Variants in DCC observed in about 807,000 individuals in gnomAD.
DCC encodes the protein DCC netrin 1 receptor, also known as netrin receptor DCC.
A neutral mutation model predicts 172.5 loss-of-function variants in DCC; 58 were observed. The observed-to-expected ratio is 0.34, with a 90% CI of 0.27 to 0.42. The LOEUF (loss-of-function observed/expected upper bound fraction) is 0.42, where lower values mean the gene tolerates loss of function less well. Ranked by LOEUF, DCC falls within the 10% of genes least tolerant of loss-of-function variation. DCC has a pLI of 1.00. For missense variants in DCC, 1,740 were observed against 1,791.0 expected, an observed-to-expected ratio of 0.97 and a Z score of 0.51; for synonymous variants, 709 against 644.5, an observed-to-expected ratio of 1.10 and a Z score of -1.52.
At chr18:52,561,288 A>ATG (rs5824948) in intron 1 of DCC, among the ~76,000 whole-genome samples, 147,834 of 151,676 alleles carry the variant, frequency 0.97, 72,178 homozygotes, top group Middle Eastern at 1. Context: ...ATGTGTGTGT[A>ATG]TGTGTGTATG....
intron 27 of DCC, among the ~76,000 whole-genome samples, chr18:53,518,811 G>A (rs539752335): frequency 1.3e-5 from 2 of 152,256 alleles, no homozygotes; most frequent in Admixed American, 6.5e-5. Flanking sequence ...GCTTCAGATT[G>A]AGCATTCGTA....
At chr18:52,666,544 A>G (rs1218201196) in intron 1 of DCC, among the ~76,000 whole-genome samples, 1 of 152,226 alleles carries the variant, frequency 6.6e-6, no homozygotes, top group Non-Finnish European at 1.5e-5. Context: ...AATGCTACAG[A>G]GAGAAAAATA....
intron 1 of DCC, among the ~76,000 whole-genome samples, chr18:52,545,609 A>G (rs1016646747): frequency 6.6e-6 from 1 of 152,226 alleles, no homozygotes; most frequent in African/African-American, 2.4e-5. Flanking sequence ...CCCGGATAAT[A>G]GTATAAATTT....
chr18:53,408,063 T>C (rs1430686181), intron 19 of DCC, among the ~76,000 whole-genome samples: 5 of 152,206 alleles, frequency 3.3e-5, no homozygotes, highest in East Asian at 1.9e-4. Context: ...ATTTTCATCA[T>C]TGACATCACA....
chr18:53,206,403 ATG>A (rs1195064527), intron 10 of DCC, among the ~76,000 whole-genome samples: 3 of 103,226 alleles, frequency 2.9e-5, no homozygotes, highest in African/African-American at 1.2e-4. Flanking sequence ...ATATACATAT[ATG>A]TATTGTAACA....
At chr18:53,305,236 C>T (rs1020941889) in intron 12 of DCC, among the ~76,000 whole-genome samples, 5 of 152,172 alleles carry the variant, frequency 3.3e-5, no homozygotes, top group African/African-American at 1.2e-4. Flanking sequence ...CCGATTTGCA[C>T]CTTCCAAATA....
chr18:53,187,312 C>T (rs906861079), intron 9 of DCC, among the ~76,000 whole-genome samples: 1 of 151,632 alleles, frequency 6.6e-6, no homozygotes, highest in Non-Finnish European at 1.5e-5. Flanking sequence ...TTAGTAGAGA[C>T]GGGGTTTCAC....
chr18:53,226,948 A>ATATTTTTTTT lies in DCC; in HGVS notation c.1911+11352_1911+11353insATTTTTTTTT. 6.8e-4 allele frequency among the ~76,000 whole-genome samples: 36 copies of ATATTTTTTTT among 52,934 alleles called. 2 individuals are homozygous for ATATTTTTTTT. The highest frequency in any genetic ancestry group is 1.0e-3 in the Non-Finnish European group (26 of 24,858). The allele number at this position is 52,934 out of a possible 152,430, so 34.7% of individuals were successfully genotyped here. A position where few individuals can be genotyped will look rare whatever the true frequency, so the allele number is the denominator to read the frequency against. ...TGTGTGTGTGTGTATATATATATAT[A>ATATTTTTTTT]TTTTTTTTTTTTTTTTTTTGAGGCA... On this transcript the variant is annotated intron_variant, in intron 12 of 28. Transcript: ENST00000442544.
At chr18:53,091,773 A>G (rs2043012066) in intron 7 of DCC, among the ~76,000 whole-genome samples, 1 of 152,044 alleles carries the variant, frequency 6.6e-6, no homozygotes, top group Admixed American at 6.6e-5. Flanking sequence ...TTTGGGGAAT[A>G]TGAATGTTAC....
chr18:52,945,066 A>C (rs1456392042), intron 5 of DCC, among the ~76,000 whole-genome samples: 1 of 152,208 alleles, frequency 6.6e-6, no homozygotes, highest in Non-Finnish European at 1.5e-5. Context: ...TCATGTTACC[A>C]TATTGTGACA....
At chr18:52,868,732 A>G (rs1043615908) in intron 2 of DCC, among the ~76,000 whole-genome samples, 6 of 152,226 alleles carry the variant, frequency 3.9e-5, no homozygotes, top group Admixed American at 1.3e-4. Context: ...AGCCTGGCAG[A>G]CACTGCTCAG....
Position 53,397,355 on chromosome 18 carries a change from A to G in DCC, c.2736A>G (p.Pro912=), listed in dbSNP as rs1909021025. Residue 912 remains proline (P), a synonymous_variant, in exon 18 of 29, where the codon CCA becomes CCG. Coordinates refer to ENST00000442544, the MANE Select transcript of DCC (RefSeq NM_005215.4). ...SLSYTATGLK[P]NTMYEFSVMV... ...GTTACACAGCAACAGGCCTCAAACC[A>G]AACACAATGTATGAATTCTCGGTCA... 6.2e-7 allele frequency: 1 copy of G among 1,614,010 alleles called. No individual in the cohort carries two copies. The highest frequency in any genetic ancestry group is 2.2e-5 in the East Asian group (1 of 44,868).
intron 2 of DCC, among the ~76,000 whole-genome samples, chr18:52,783,780 T>A (rs1425385790): frequency 6.6e-6 from 1 of 152,028 alleles, no homozygotes; most frequent in Non-Finnish European, 1.5e-5. Context: ...TATACTTCAC[T>A]GTGCCTTACA....
chr18:52,411,605 A>G lies in DCC; in HGVS notation c.91+70727A>G, dbSNP rs1482335055. Among the ~76,000 whole-genome samples the G allele has an allele frequency of 2.0e-5, 3 of 152,166 alleles. No individual in the cohort carries two copies. In the East Asian group the frequency reaches 5.8e-4, roughly 29 times the overall value. ...CTACTTCTGGCTATAAGTAACTACT[A>G]GGAACTTTCCTCCTTTCATTCATTC... On this transcript the variant is annotated intron_variant, in intron 1 of 28. Transcript: ENST00000442544.
intron 25 of DCC, among the ~76,000 whole-genome samples, chr18:53,471,318 A>G (rs990508503): frequency 1.3e-5 from 2 of 152,078 alleles, no homozygotes; most frequent in Non-Finnish European, 2.9e-5. Context: ...ATCCAATTAT[A>G]CTCTTAGTTA....
At chr18:52,880,030 A>G (rs1455079508) in intron 2 of DCC, among the ~76,000 whole-genome samples, 1 of 152,190 alleles carries the variant, frequency 6.6e-6, no homozygotes, top group Admixed American at 6.5e-5. Flanking sequence ...TGTTACAAAC[A>G]ATCCAGTTAC....
chr18:53,212,198 G>GT (rs1258465700), intron 11 of DCC, among the ~76,000 whole-genome samples: 1 of 152,132 alleles, frequency 6.6e-6, no homozygotes, highest in Non-Finnish European at 1.5e-5. Flanking sequence ...ATCTCCATGA[G>GT]TTTCAAGCCA....
intron 1 of DCC, among the ~76,000 whole-genome samples, chr18:52,595,883 C>A (rs1356154634): frequency 1.3e-5 from 2 of 152,158 alleles, no homozygotes. Context: ...CAGACCAAAA[C>A]TTCTGAGTTA....
chr18:53,133,492 T>C (rs145802600), intron 7 of DCC, among the ~76,000 whole-genome samples: 1 of 152,188 alleles, frequency 6.6e-6, no homozygotes, highest in South Asian at 2.1e-4. Context: ...TGAGATACTT[T>C]CCTAGAATCA....
Sources: gnomAD v4.1 joint callset for allele counts (sites outside exome capture counted in the v4.1 genomes callset) on GRCh38, gnomAD v4.1.1 for gene constraint, MANE v1.5 for transcripts, NCBI Gene and HGNC (gene_info 2026-07-23, HGNC 2026-07-21) for gene names.